PGR: variants seen among roughly 807,000 people sequenced by gnomAD.
PGR encodes the protein nuclear receptor subfamily 3 group C member 3.
Under a neutral mutation model 76.1 loss-of-function variants are expected in PGR, and 25 were observed. The observed-to-expected ratio is 0.33, with a 90% CI of 0.24 to 0.46. PGR has a LOEUF of 0.46. Ranked by LOEUF, PGR falls within the 20% of genes least tolerant of loss-of-function variation. The probability of loss-of-function intolerance (pLI) is 1.00; values close to 1 mark genes in which losing one functional copy is unlikely to be tolerated. For synonymous variants in PGR, 579 were observed against 535.0 expected (o/e 1.08, Z -1.14); for missense variants, 1,172 against 1,225.3 (o/e 0.96, Z 0.65).
At chr11:101,119,864 T>C (rs1248012513) in intron 2 of PGR, among the ~76,000 whole-genome samples, 1 of 152,162 alleles carries the variant, frequency 6.6e-6, no homozygotes, top group Non-Finnish European at 1.5e-5. Flanking sequence ...AGCAGGAATT[T>C]AAGATACAGA....
intron 2 of PGR, among the ~76,000 whole-genome samples, chr11:101,115,185 T>C (rs879206238): frequency 6.6e-6 from 1 of 152,130 alleles, no homozygotes; most frequent in African/African-American, 2.4e-5. Flanking sequence ...CAGTCTGTAG[T>C]TTTTGTTTAC....
intron 2 of PGR, among the ~76,000 whole-genome samples, chr11:101,117,821 T>C (rs561742591): frequency 6.6e-6 from 1 of 152,300 alleles, no homozygotes; most frequent in South Asian, 2.1e-4. Flanking sequence ...AGTACTACTA[T>C]TAATTGGGGT....
At position 101,128,373 on chromosome 11, in the gene PGR, G is replaced by T; in HGVS notation, c.698C>A (p.Ala233Glu). Residue 233 changes from alanine to glutamate, a missense_variant, in exon 1 of 8, where the codon GCG becomes GAG. Physicochemically the swap from Ala to Glu is moderately radical, Grantham distance 107 (BLOSUM62 -1). Transcript: ENST00000325455. ...EEDGSESEES[A>E]GPLLKGKPRA... The stretch of plus-strand genomic sequence containing the variant: ...AGGTTTGCCCTTCAGAAGCGGACCC[G>T]CAGACTCCTCGGACTCAGAGCCATC... The T allele has an allele frequency of 6.2e-7, 1 of 1,607,124 alleles. No individual in the cohort carries two copies.
At chr11:101,085,525 T>TAA (rs1212568882) in intron 3 of PGR, among the ~76,000 whole-genome samples, 1,050 of 42,276 alleles carry the variant, frequency 0.025, 144 homozygotes, top group African/African-American at 0.04. Flanking sequence ...CTAGAGGAAC[T>TAA]AAAAAAAAAA....
At chr11:101,064,024 T>C (rs1346348545) in intron 3 of PGR, 1 of 152,024 alleles carries the variant, frequency 6.6e-6, no homozygotes, top group African/African-American at 2.4e-5. Context: ...AGGATTATAC[T>C]TGTTCTATAA....
In PGR at chr11:101,127,819, G is replaced by A. The variant is rs776894876; in HGVS notation, c.1252C>T (p.Pro418Ser). 1.3e-6 allele frequency: 2 copies of A among 1,574,630 alleles called. No homozygotes were observed. The highest frequency in any genetic ancestry group is 1.7e-6 in the Non-Finnish European group (2 of 1,167,894). The stretch of plus-strand genomic sequence containing the variant: ...GGCAGCGGGGGCGGTGGCCCCAACG[G>A]GAAATCCGGGAAGGCTGCGGGGTTG... ...GANPAAFPDF[P>S]LGPPPPLPPR... Residue 418 changes from proline (P) to serine (S), a missense_variant, in exon 1 of 8, where the codon CCG becomes TCG. Physicochemically the swap from Pro to Ser is moderately conservative, Grantham distance 74. Around this residue, in one of 4 missense-constraint regions of PGR, gnomAD observed 893 missense variants for 785.9 expected, o/e 1.14. Transcript: ENST00000325455.
intron 3 of PGR, among the ~76,000 whole-genome samples, chr11:101,078,295 A>C (rs1861189465): frequency 6.6e-6 from 1 of 152,188 alleles, no homozygotes; most frequent in African/African-American, 2.4e-5. Context: ...GAAAAAAAGA[A>C]AAACCCATAA....
intron 6 of PGR, among the ~76,000 whole-genome samples, chr11:101,047,057 T>C (rs1859912973): frequency 6.6e-6 from 1 of 151,992 alleles, no homozygotes; most frequent in African/African-American, 2.4e-5. Flanking sequence ...ATTCATTAAA[T>C]AGTTTCTTTT....
Position 101,119,375 on chromosome 11 carries a change from C to T in PGR, c.1789+6632G>A, listed in dbSNP as rs147064801. Reference sequence around the variant, plus strand: ...TAAAGAAGTGACTGATAAAAGATTCCCTGGAGTTACTTTGTTTTTTTTCTG... The same window carrying T: ...TAAAGAAGTGACTGATAAAAGATTCTCTGGAGTTACTTTGTTTTTTTTCTG... On this transcript the variant is annotated intron_variant, in intron 2 of 7. Coordinates refer to ENST00000325455, the MANE Select transcript of PGR (RefSeq NM_000926.4). 2.9e-4 allele frequency among the ~76,000 whole-genome samples: 44 copies of T among 152,206 alleles called. No individual in the cohort carries two copies. In the East Asian group the frequency reaches 6.0e-3, roughly 21 times the overall value.
At chr11:101,082,928 G>C (rs1254975232) in intron 3 of PGR, among the ~76,000 whole-genome samples, 2 of 152,228 alleles carry the variant, frequency 1.3e-5, no homozygotes, top group Non-Finnish European at 2.9e-5. Context: ...CATTAGTAAA[G>C]AGGAGTCAAA....
intron 3 of PGR, among the ~76,000 whole-genome samples, chr11:101,068,934 A>T (rs1183786938): frequency 4.6e-5 from 7 of 152,228 alleles, no homozygotes. Flanking sequence ...AACCTAGGCA[A>T]TACCATTCAG....
intron 6 of PGR, among the ~76,000 whole-genome samples, chr11:101,046,494 C>G (rs1255600723): frequency 6.6e-6 from 1 of 150,760 alleles, no homozygotes; most frequent in Admixed American, 6.6e-5. Flanking sequence ...GTTTGTTCAA[C>G]CTACTGTCTA....
chr11:101,089,504 A>G (rs560152157), intron 3 of PGR, among the ~76,000 whole-genome samples: 29 of 152,298 alleles, frequency 1.9e-4, no homozygotes, highest in African/African-American at 7.0e-4. Flanking sequence ...ACTTATCATT[A>G]TTTGACATGT....
intron 3 of PGR, among the ~76,000 whole-genome samples, chr11:101,085,098 C>T (rs1209590660): frequency 6.6e-6 from 1 of 152,140 alleles, no homozygotes; most frequent in Non-Finnish European, 1.5e-5. Flanking sequence ...TAATAAACAT[C>T]TACAGAATAA....
intron 3 of PGR, among the ~76,000 whole-genome samples, chr11:101,069,827 A>G (rs521028): frequency 0.18 from 27,479 of 151,526 alleles, 2,965 homozygotes; most frequent in African/African-American, 0.31. Flanking sequence ...ACACAGGGAG[A>G]GGAACATCAC....
In PGR at chr11:101,075,327, G is replaced by T. The variant is rs575391819; in HGVS notation, c.1907-12575C>A. ...CTTATACAAAAATTAACTCAAGATA[G>T]ATCAAAGACTTAAATGTAAGACTGA... On this transcript the variant is annotated intron_variant, in intron 3 of 7. Coordinates refer to ENST00000325455, the MANE Select transcript of PGR (RefSeq NM_000926.4). 5.9e-5 allele frequency among the ~76,000 whole-genome samples: 9 copies of T among 152,198 alleles called. No individual in the cohort carries two copies. In the South Asian group the frequency reaches 1.9e-3, roughly 32 times the overall value.
At chr11:101,077,628 C>T (rs1187220496) in intron 3 of PGR, among the ~76,000 whole-genome samples, 1 of 151,946 alleles carries the variant, frequency 6.6e-6, no homozygotes, top group African/African-American at 2.4e-5. Flanking sequence ...AGTTGGCAAA[C>T]CATAAAAGAC....
chr11:101,074,145 A>C (rs1861039107), intron 3 of PGR, among the ~76,000 whole-genome samples: 1 of 152,216 alleles, frequency 6.6e-6, no homozygotes, highest in African/African-American at 2.4e-5. Flanking sequence ...GGTCAGTTTC[A>C]TCCCTGAGAT....
At chr11:101,042,603 CTTCA>C (rs757293407) in intron 6 of PGR, among the ~76,000 whole-genome samples, 1 of 151,734 alleles carries the variant, frequency 6.6e-6, no homozygotes, top group African/African-American at 2.4e-5. Context: ...TTAAAAATTG[CTTCA>C]TTAAGTTTTC....
Sources: allele counts gnomAD v4.1 joint callset (sites outside exome capture counted in the v4.1 genomes callset), GRCh38; gene constraint gnomAD v4.1.1; regional missense constraint gnomAD v4.1.1; transcripts MANE v1.5; gene names NCBI Gene and HGNC (gene_info 2026-07-23, HGNC 2026-07-21).